ELK3: variants seen among roughly 807,000 people sequenced by gnomAD.
ELK3 encodes the protein ETS transcription factor ELK3, also known as ETS domain-containing protein Elk-3.
Under a neutral mutation model 28.9 loss-of-function variants are expected in ELK3, and 10 were observed. The observed-to-expected ratio is 0.35, with a 90% CI of 0.21 to 0.59. ELK3 has a LOEUF of 0.59. ELK3 is among the 20% of genes least tolerant of loss of function. The probability of loss-of-function intolerance (pLI) is 0.82; values close to 1 mark genes in which losing one functional copy is unlikely to be tolerated. For synonymous variants in ELK3, 272 were observed against 243.5 expected (o/e 1.12, Z -1.09); for missense variants, 463 against 517.3 (o/e 0.90, Z 1.02).
intron 3 of ELK3, among the ~76,000 whole-genome samples, chr12:96,256,089 T>G (rs1304813915): frequency 3.3e-5 from 5 of 152,142 alleles, no homozygotes; most frequent in South Asian, 2.1e-4. Context: ...GGTGGTTGAT[T>G]TGGCGATGGG....
At chr12:96,228,903 A>G (rs1951722805) in intron 2 of ELK3, among the ~76,000 whole-genome samples, 1 of 152,238 alleles carries the variant, frequency 6.6e-6, no homozygotes, top group Non-Finnish European at 1.5e-5. Flanking sequence ...GAAAGAGAAG[A>G]TAAGATGACG....
intron 2 of ELK3, 55 bp downstream of exon 2, chr12:96,223,828 G>T (rs551821019): frequency 1.9e-5 from 29 of 1,542,986 alleles, no homozygotes; most frequent in South Asian, 1.8e-4. Context: ...TCCCCTCTGC[G>T]TAGTTCACTG....
intron 2 of ELK3, among the ~76,000 whole-genome samples, chr12:96,233,826 G>A (rs961238003): frequency 6.6e-6 from 1 of 152,216 alleles, no homozygotes; most frequent in African/African-American, 2.4e-5. Context: ...CTCCCTTTGG[G>A]GTGTTTTATC....
chr12:96,211,581 T>C (rs1951579559), intron 1 of ELK3, among the ~76,000 whole-genome samples: 1 of 151,942 alleles, frequency 6.6e-6, no homozygotes, highest in South Asian at 2.1e-4. Flanking sequence ...ATTGCTGGTA[T>C]TTAACTAGTT....
intron 2 of ELK3, among the ~76,000 whole-genome samples, chr12:96,235,417 C>G (rs540401175): frequency 6.6e-6 from 1 of 152,176 alleles, no homozygotes; most frequent in South Asian, 2.1e-4. Context: ...GCTGGGTTTT[C>G]TTACCATTTC....
chr12:96,252,988 C>T (rs913563048), intron 3 of ELK3, among the ~76,000 whole-genome samples: 10 of 152,210 alleles, frequency 6.6e-5, no homozygotes, highest in African/African-American at 1.4e-4. Flanking sequence ...GGGCCAGGTG[C>T]GCTGGCTCAC....
Position 96,202,894 on chromosome 12 carries a change from A to G in ELK3, c.-3+8189A>G, listed in dbSNP as rs1246429856. Among the ~76,000 whole-genome samples, 3 of 149,594 alleles carry G rather than the reference A, an allele frequency of 2.0e-5. No homozygotes were observed. The South Asian group carries it at 6.3e-4, about 32-fold the overall frequency. The stretch of plus-strand genomic sequence containing the variant: ...CTCTCTCCAAATTCTTGTTACCCAA[A>G]CACAGGAACATGAGATGGAGTCTCG... On this transcript the variant is annotated intron_variant, in intron 1 of 4. Transcript: ENST00000228741.
intron 3 of ELK3, among the ~76,000 whole-genome samples, chr12:96,259,194 A>C (rs1413375107): frequency 6.6e-6 from 1 of 152,218 alleles, no homozygotes; most frequent in African/African-American, 2.4e-5. Context: ...CAGAATGTTT[A>C]GGGAAGGTAA....
chr12:96,259,654 C>G (rs943504309), intron 3 of ELK3, 77 bp from the exon 4 acceptor site: 6 of 1,484,176 alleles, frequency 4.0e-6, no homozygotes, highest in Non-Finnish European at 3.6e-6. Context: ...CCTACCTAAC[C>G]TCTCTCTGCT....
chr12:96,256,670 T>C (rs1485000727), intron 3 of ELK3, among the ~76,000 whole-genome samples: 12 of 152,124 alleles, frequency 7.9e-5, no homozygotes. Context: ...CCAATCACCA[T>C]AATAGGAGGC....
At chr12:96,250,166 C>CA (rs1951892544) in intron 3 of ELK3, among the ~76,000 whole-genome samples, 1 of 152,176 alleles carries the variant, frequency 6.6e-6, no homozygotes, top group Admixed American at 6.5e-5. Flanking sequence ...CTAAGGGGGT[C>CA]ACCAGCTACA....
rs199694042 is a variant in ELK3 at position 96,241,739 on chromosome 12, C to T, written c.208-5201C>T. ...AATCCTGTCCCAAAGGGACGACTTG[C>T]CCTTTAGGCTACTACTGCATTCTCA... On this transcript the variant is annotated intron_variant, in intron 2 of 4. Coordinates refer to ENST00000228741, the MANE Select transcript of ELK3 (RefSeq NM_005230.4). Among the ~76,000 whole-genome samples, 37 of 152,320 alleles carry T rather than the reference C, an allele frequency of 2.4e-4. No homozygotes were observed. The East Asian group carries it at 4.0e-3, about 17-fold the overall frequency.
chr12:96,264,922 A>G (rs1446577901), intron 4 of ELK3, among the ~76,000 whole-genome samples: 1 of 152,240 alleles, frequency 6.6e-6, no homozygotes, highest in Non-Finnish European at 1.5e-5. Context: ...ATAAGAAACT[A>G]AGGCACAGGG....
chr12:96,199,178 A>T (rs1333317736), intron 1 of ELK3, among the ~76,000 whole-genome samples: 3 of 152,222 alleles, frequency 2.0e-5, no homozygotes, highest in Non-Finnish European at 4.4e-5. Context: ...ATGAAAATAG[A>T]ATGTTAAATG....
chr12:96,239,220 CCTT>C (rs1452607385), intron 2 of ELK3, among the ~76,000 whole-genome samples: 1 of 152,072 alleles, frequency 6.6e-6, no homozygotes, highest in African/African-American at 2.4e-5. Flanking sequence ...TTTTCTACCT[CCTT>C]TTATTTACAC....
intron 2 of ELK3, 83 bp from the exon 3 acceptor site, chr12:96,246,857 C>T (rs1243140112): frequency 1.1e-5 from 15 of 1,407,820 alleles, no homozygotes; most frequent in African/African-American, 1.4e-5. Context: ...GTGCTTCTGC[C>T]AGCGACATTT....
At chr12:96,251,535 G>GC (rs1244942584) in intron 3 of ELK3, among the ~76,000 whole-genome samples, 1 of 152,196 alleles carries the variant, frequency 6.6e-6, no homozygotes, top group Non-Finnish European at 1.5e-5. Context: ...CAGGCCTAAA[G>GC]CTAGGGGGCT....
At position 96,269,409 on chromosome 12, in the gene ELK3, T is replaced by A. The variant is rs1321237293; in HGVS notation, c.*2229T>A. 6.6e-6 allele frequency: 1 copy of A among 151,942 alleles called. No homozygotes were observed. Among genetic ancestry groups the A allele is most frequent in the Non-Finnish European group, 1.5e-5 (1 of 68,006 alleles). 9.4% of individuals were successfully genotyped at this position (151,942 alleles called of 1,614,324 possible). On this transcript the variant is annotated 3_prime_UTR_variant, in exon 5 of 5. Transcript: ENST00000228741. ...TTTAAATGACTATAGATCTGATTCT[T>A]TCTTTTCCTTTGGAAACTGGGATTA...
chr12:96,194,506 G>C lies in ELK3; in HGVS notation c.-202G>C, dbSNP rs1329047769. ...TAAAGGAAGTGAGCCGGCTCGGCCT[G>C]ACTGCTCCAACTTCCTGCTCTCACA... On this transcript the variant is annotated 5_prime_UTR_variant, in exon 1 of 5. Coordinates refer to ENST00000228741, the MANE Select transcript of ELK3 (RefSeq NM_005230.4). 1 of 150,732 alleles carries C rather than the reference G, an allele frequency of 6.6e-6. No homozygotes were observed. The highest frequency in any genetic ancestry group is 2.4e-5 in the African/African-American group (1 of 41,206). 9.3% of individuals were successfully genotyped at this position (150,732 alleles called of 1,614,324 possible). A position where few individuals can be genotyped will look rare whatever the true frequency, so the allele number is the denominator to read the frequency against.
Sources: allele counts gnomAD v4.1 joint callset (sites outside exome capture counted in the v4.1 genomes callset), GRCh38; gene constraint gnomAD v4.1.1; transcripts MANE v1.5; gene names NCBI Gene and HGNC (gene_info 2026-07-23, HGNC 2026-07-21).